Variants in POMT1 observed in about 807,000 individuals in gnomAD.
POMT1 encodes the protein protein O-mannosyltransferase 1, also known as protein O-mannosyl-transferase 1.
POMT1 carries 85 observed loss-of-function variants against 101.6 expected under a neutral mutation model. The ratio of observed to expected loss-of-function variants is 0.84; its 90% CI spans 0.70 to 1.00. The LOEUF (loss-of-function observed/expected upper bound fraction) is 1.00. Among genes scored for constraint, POMT1 ranks in the 50% least tolerant of loss-of-function variants. POMT1 has a pLI of 0.00. For missense variants in POMT1, 857 were observed against 930.4 expected (o/e 0.92, Z 1.03); for synonymous variants, 371 against 383.0 (o/e 0.97, Z 0.37).
chr9:131,503,069 C>T lies in POMT1; in HGVS notation c.-35C>T, dbSNP rs1944902780. On this transcript the variant is annotated 5_prime_UTR_variant, in exon 1 of 20. The change creates a new upstream start codon in the 5' untranslated region. Transcript: ENST00000402686. The surrounding 1 kb of genome is among the most constrained non-coding windows in gnomAD (Gnocchi z 4.4). The stretch of plus-strand genomic sequence containing the variant: ...GCGGCTCTGTGTGGACTCGGAGAAA[C>T]GCGGGTACATTTGGGGACACCGGGG... 6.6e-6 allele frequency: 1 copy of T among 152,264 alleles called. No individual in the cohort carries two copies. Among genetic ancestry groups the T allele is most frequent in the Non-Finnish European group, 1.5e-5 (1 of 68,082 alleles). 9.4% of individuals were successfully genotyped at this position (152,264 alleles called of 1,614,324 possible). A position where few individuals can be genotyped will look rare whatever the true frequency, so the allele number is the denominator to read the frequency against.
chr9:131,514,187 A>C (rs1947770471), intron 12 of POMT1, among the ~76,000 whole-genome samples: 1 of 150,996 alleles, frequency 6.6e-6, no homozygotes, highest in Admixed American at 6.6e-5. Flanking sequence ...CTGGGGCCTG[A>C]CCTCTCTACC....
In POMT1 at chr9:131,504,256, C is replaced by T. The variant is rs779685333; in HGVS notation, c.38C>T (p.Ala13Val). 2.5e-6 allele frequency: 4 copies of T among 1,614,076 alleles called. No individual in the cohort carries two copies. The South Asian group carries it at 4.4e-5, about 18-fold the overall frequency. ...GFLKRPVVVT[A>V]DINLSLVALT... Reference sequence around the variant, plus strand: ...TTGAAGCGCCCTGTAGTGGTGACGGCTGACATCAACTTGAGCCTTGTGGCC... The same window carrying T: ...TTGAAGCGCCCTGTAGTGGTGACGGTTGACATCAACTTGAGCCTTGTGGCC... Residue 13 changes from alanine (A) to valine (V), a missense_variant, in exon 2 of 20, where the codon GCT becomes GTT. Ala to Val is a moderately conservative substitution (Grantham distance 64, BLOSUM62 0). Coordinates refer to ENST00000402686, the MANE Select transcript of POMT1 (RefSeq NM_001077365.2).
In POMT1 at chr9:131,509,809, G is replaced by T. The variant is rs766648827; in HGVS notation, c.605+1G>T. On this transcript the variant is annotated splice_donor_variant, in intron 7 of 19. Transcript: ENST00000402686. LOFTEE classifies it high-confidence loss of function. ...GGGTCGCTTGTTCCTGTGCAGTGGG[G>T]TGAGTTTGAGCCTCTGGTCTTGGGC... The T allele has an allele frequency of 1.9e-6, 3 of 1,614,116 alleles. No homozygotes were observed. Among genetic ancestry groups the T allele is most frequent in the Non-Finnish European group, 1.7e-6 (2 of 1,180,056 alleles).
At position 131,523,452 on chromosome 9, in the gene POMT1, A is replaced by G; in HGVS notation, c.*346A>G. 2.8e-6 allele frequency: 1 copy of G among 357,292 alleles called. No individual in the cohort carries two copies. Among genetic ancestry groups the G allele is most frequent in the South Asian group, 2.4e-5 (1 of 42,080 alleles). 22.1% of individuals were successfully genotyped at this position (357,292 alleles called of 1,614,324 possible). ...AGCAGACCAGGGCCTGGTCCTTGCT[A>G]ACTGCTGCAGGGTGGAGTTTGATCT... On this transcript the variant is annotated 3_prime_UTR_variant, in exon 20 of 20. Transcript: ENST00000402686.
chr9:131,504,996 T>G (rs1362127553), intron 2 of POMT1, among the ~76,000 whole-genome samples: 1 of 152,152 alleles, frequency 6.6e-6, no homozygotes, highest in Non-Finnish European at 1.5e-5. Flanking sequence ...CAGGCTGGTA[T>G]TGAACTCCTG....
intron 17 of POMT1, among the ~76,000 whole-genome samples, chr9:131,520,839 GTGTA>G: frequency 6.6e-6 from 1 of 152,200 alleles, no homozygotes; most frequent in East Asian, 1.9e-4. Flanking sequence ...GTGTGTGTGT[GTGTA>G]TGTGAGAGAG....
chr9:131,515,375 C>G, intron 12 of POMT1, 51 bp from the exon 13 acceptor site: 7 of 1,561,234 alleles, frequency 4.5e-6, no homozygotes, highest in Non-Finnish European at 5.3e-6. Flanking sequence ...TAGTAATTGC[C>G]TTCCAGAGGA....
Position 131,513,323 on chromosome 9 carries a change from C to G in POMT1, c.1167C>G (p.Ser389=). 1 of 1,611,814 alleles carries G rather than the reference C, an allele frequency of 6.2e-7. No individual in the cohort carries two copies. Among genetic ancestry groups the G allele is most frequent in the Non-Finnish European group, 8.5e-7 (1 of 1,179,828 alleles). Residue 389 remains serine, a synonymous_variant, in exon 12 of 20, where the codon TCC becomes TCG. Coordinates refer to ENST00000402686, the MANE Select transcript of POMT1 (RefSeq NM_001077365.2). ...TGGTCCACGGCATGACCACCCGCTC[C>G]CTGAACACGTGAGTGTGCCCGCCGT... The part of the protein sequence containing the change: ...VQLVHGMTTR[S]LNTHDVAAPL...
chr9:131,518,216 C>T (rs779545542), intron 13 of POMT1: 2 of 635,528 alleles, frequency 3.1e-6, no homozygotes, highest in South Asian at 3.1e-5. Context: ...TCTTGTACGG[C>T]CTTGGCGAGG....
At position 131,510,049 on chromosome 9, in the gene POMT1, A is replaced by G. The variant is rs2296949; in HGVS notation, c.699+53A>G. On this transcript the variant is annotated intron_variant, in intron 8 of 19. Transcript: ENST00000402686. ...AGGCCGGCCTGTATGGGGCAGATGCAGATGTCACAGGGGGTACTTGGTGAA... is the reference window on the plus strand; with the variant it reads ...AGGCCGGCCTGTATGGGGCAGATGCGGATGTCACAGGGGGTACTTGGTGAA... 1,516,772 of 1,614,106 alleles carry G rather than the reference A, an allele frequency of 0.94. 714,950 individuals carry two copies. The highest frequency in any genetic ancestry group is 0.97 in the South Asian group (88,399 of 91,078).
chr9:131,523,412 C>T lies in POMT1; in HGVS notation c.*306C>T. On this transcript the variant is annotated 3_prime_UTR_variant, in exon 20 of 20. Coordinates refer to ENST00000402686, the MANE Select transcript of POMT1 (RefSeq NM_001077365.2). ...CAACAAAAAGCCGAGAACCCAGGGC[C>T]AGCAGTGGAGCCTCAGCAGACCAGG... is the stretch of plus-strand genomic sequence containing the variant. The T allele has an allele frequency of 2.5e-6, 1 of 396,314 alleles. No individual in the cohort carries two copies. The highest frequency in any genetic ancestry group is 2.2e-5 in the South Asian group (1 of 45,638). 24.5% of individuals were successfully genotyped at this position (396,314 alleles called of 1,614,324 possible).
intron 12 of POMT1, among the ~76,000 whole-genome samples, chr9:131,513,573 C>T (rs183127679): frequency 9.0e-4 from 137 of 152,300 alleles, no homozygotes; most frequent in African/African-American, 2.7e-3. Context: ...TAGCACAGCC[C>T]ATCCTAGGAG....
At position 131,523,271 on chromosome 9, in the gene POMT1, A is replaced by T; in HGVS notation, c.*165A>T. 2 of 777,236 alleles carry T rather than the reference A, an allele frequency of 2.6e-6. No homozygotes were observed. The highest frequency in any genetic ancestry group is 4.2e-6 in the Non-Finnish European group (2 of 476,898). The allele number at this position is 777,236 out of a possible 1,614,324, so 48.1% of individuals were successfully genotyped here. ...GGGGGTCTCATTGAAAAGCTCTCTG[A>T]TGAGCACCTCCTTTTGTGCAAAGTT... On this transcript the variant is annotated 3_prime_UTR_variant, in exon 20 of 20. Transcript: ENST00000402686.
intron 8 of POMT1, 108 bp from the exon 9 acceptor site, chr9:131,510,152 A>G (rs1377092210): frequency 1.4e-5 from 23 of 1,606,374 alleles, no homozygotes; most frequent in East Asian, 1.1e-4. Flanking sequence ...GTGCCTCTGT[A>G]TGGGAGGCCA....
chr9:131,520,187 G>A lies in POMT1; in HGVS notation c.1692G>A (p.Arg564=), dbSNP rs34954751. 45,629 of 1,612,506 alleles carry A rather than the reference G, an allele frequency of 0.028. 773 individuals carry two copies. The highest frequency in any genetic ancestry group is 0.032 in the Non-Finnish European group (38,315 of 1,179,096). Residue 564 remains arginine, a synonymous_variant, in exon 17 of 20, where the codon AGG becomes AGA. Coordinates refer to ENST00000402686, the MANE Select transcript of POMT1 (RefSeq NM_001077365.2). The part of the protein sequence containing the change: ...DTNIAYWLHP[R]TSAQIHLLGN... ...ATATTGCCTACTGGCTGCACCCCAGGACCAGCGTAAGCGAGCGATGCTGAC... is the reference window on the plus strand; with the variant it reads ...ATATTGCCTACTGGCTGCACCCCAGAACCAGCGTAAGCGAGCGATGCTGAC...
chr9:131,511,548 C>T, intron 10 of POMT1, 81 bp downstream of exon 10: 1 of 1,578,716 alleles, frequency 6.3e-7, no homozygotes, highest in East Asian at 2.2e-5. Flanking sequence ...CTTTCCCTTT[C>T]TTTGAGGAAG....
chr9:131,518,313 C>A, intron 13 of POMT1, 132 bp from the exon 14 acceptor site: 1 of 858,672 alleles, frequency 1.2e-6, no homozygotes, highest in Non-Finnish European at 2.0e-6. Flanking sequence ...CCCCTTATAG[C>A]TTCCCTCACT....
intron 5 of POMT1, among the ~76,000 whole-genome samples, chr9:131,507,958 C>T (rs1246184142): frequency 6.6e-6 from 1 of 152,228 alleles, no homozygotes; most frequent in Non-Finnish European, 1.5e-5. Context: ...TTAGGCTGGG[C>T]GCAGTGGCTC....
chr9:131,519,365 TTATG>T lies in POMT1; in HGVS notation c.1487-23_1487-20del, dbSNP rs1410496340. The T allele has an allele frequency of 6.5e-7, 1 of 1,549,300 alleles. No individual in the cohort carries two copies. The highest frequency in any genetic ancestry group is 8.7e-7 in the Non-Finnish European group (1 of 1,145,560). The stretch of plus-strand genomic sequence containing the variant: ...CTTGACCTTGTGCTACTTCTATCTG[TTATG>T]CCCTTGTCTGTTCTGCCAGGCCAGG... On this transcript the variant is annotated intron_variant, in intron 15 of 19. Coordinates refer to ENST00000402686, the MANE Select transcript of POMT1 (RefSeq NM_001077365.2). This position sits in a 1 kb window ranked among gnomAD's most constrained non-coding sequence, Gnocchi z 4.3.
Sources: allele counts gnomAD v4.1 joint callset (sites outside exome capture counted in the v4.1 genomes callset), GRCh38; gene constraint gnomAD v4.1.1; non-coding constraint Gnocchi (gnomAD v3.1); transcripts MANE v1.5; gene names NCBI Gene and HGNC (gene_info 2026-07-23, HGNC 2026-07-21).